FBXL7: variants seen among roughly 807,000 people sequenced by gnomAD.
FBXL7 encodes F-box and leucine rich repeat protein 7.
FBXL7 carries 12 observed loss-of-function variants against 38.3 expected under a neutral mutation model. The ratio of observed to expected loss-of-function variants is 0.31; its 90% CI spans 0.20 to 0.51. FBXL7 has a LOEUF of 0.51. Among genes scored for constraint, FBXL7 ranks in the 20% least tolerant of loss-of-function variants. FBXL7 has a pLI of 0.98. For synonymous variants in FBXL7, 297 were observed against 300.9 expected (o/e 0.99, Z 0.13); for missense variants, 567 against 676.4 (o/e 0.84, Z 1.79).
intron 2 of FBXL7, among the ~76,000 whole-genome samples, chr5:15,684,226 C>T (rs371791158): frequency 4.6e-5 from 7 of 152,282 alleles, no homozygotes; most frequent in African/African-American, 1.7e-4. Flanking sequence ...CAAGCCTACG[C>T]ACCTGCTCTC....
chr5:15,793,814 C>T, intron 2 of FBXL7, among the ~76,000 whole-genome samples: 1 of 151,762 alleles, frequency 6.6e-6, no homozygotes, highest in Middle Eastern at 3.2e-3. Flanking sequence ...TTGATATCTG[C>T]CCTGATTGTG....
chr5:15,552,483 A>G (rs566232782), intron 1 of FBXL7, among the ~76,000 whole-genome samples: 51 of 152,182 alleles, frequency 3.4e-4, no homozygotes, highest in Non-Finnish European at 6.6e-4. Context: ...AATGGGTTTT[A>G]TCCTCATATA....
chr5:15,918,677 TA>T (rs1741663552), intron 2 of FBXL7, among the ~76,000 whole-genome samples: 2 of 152,192 alleles, frequency 1.3e-5, no homozygotes, highest in African/African-American at 4.8e-5. Flanking sequence ...TGACTGATAT[TA>T]CATGAGTTCC....
At chr5:15,860,730 G>A (rs1739439068) in intron 2 of FBXL7, among the ~76,000 whole-genome samples, 1 of 152,110 alleles carries the variant, frequency 6.6e-6, no homozygotes, top group Non-Finnish European at 1.5e-5. Context: ...TAGATACTTA[G>A]GGGTGATATG....
At chr5:15,896,474 C>A (rs186403277) in intron 2 of FBXL7, among the ~76,000 whole-genome samples, 1 of 152,160 alleles carries the variant, frequency 6.6e-6, no homozygotes, top group Non-Finnish European at 1.5e-5. Flanking sequence ...AGAATCTCAC[C>A]GGGTGTGAAG....
chr5:15,914,206 A>G (rs1213927221), intron 2 of FBXL7, among the ~76,000 whole-genome samples: 1 of 151,888 alleles, frequency 6.6e-6, no homozygotes, highest in African/African-American at 2.4e-5. Flanking sequence ...CTAACATGAT[A>G]AAACCCTGTC....
chr5:15,806,580 C>CG (rs1390054834), intron 2 of FBXL7, among the ~76,000 whole-genome samples: 1 of 152,000 alleles, frequency 6.6e-6, no homozygotes, highest in Non-Finnish European at 1.5e-5. Context: ...CACTGGGGCA[C>CG]GGTGTAGAGT....
chr5:15,800,225 C>T (rs1737526289), intron 2 of FBXL7, among the ~76,000 whole-genome samples: 1 of 152,044 alleles, frequency 6.6e-6, no homozygotes, highest in Non-Finnish European at 1.5e-5. Context: ...GATATGAAAG[C>T]AGGTGTCTGG....
intron 2 of FBXL7, among the ~76,000 whole-genome samples, chr5:15,892,153 C>G (rs1740929383): frequency 2.0e-5 from 3 of 152,198 alleles, no homozygotes; most frequent in Admixed American, 2.0e-4. Flanking sequence ...GACAGGGGAA[C>G]AAACGGAGTG....
chr5:15,914,442 G>A (rs1741529500), intron 2 of FBXL7, among the ~76,000 whole-genome samples: 1 of 151,812 alleles, frequency 6.6e-6, no homozygotes, highest in Admixed American at 6.6e-5. Context: ...ATGATAGCAG[G>A]TATTGTGAAG....
intron 2 of FBXL7, among the ~76,000 whole-genome samples, chr5:15,672,710 A>G (rs1251715535): frequency 6.6e-6 from 1 of 151,912 alleles, no homozygotes; most frequent in African/African-American, 2.4e-5. Flanking sequence ...GCATGCCATC[A>G]CATCTGGCTA....
chr5:15,833,091 A>C (rs756603866), intron 2 of FBXL7, among the ~76,000 whole-genome samples: 3 of 152,084 alleles, frequency 2.0e-5, no homozygotes, highest in Non-Finnish European at 4.4e-5. Context: ...GCCATGTGGA[A>C]CTGTGAATTG....
At chr5:15,654,681 C>T (rs1184434901) in intron 2 of FBXL7, among the ~76,000 whole-genome samples, 1 of 152,140 alleles carries the variant, frequency 6.6e-6, no homozygotes, top group African/African-American at 2.4e-5. Flanking sequence ...ATTAGAAAAA[C>T]AGGCGCCTAG....
chr5:15,779,656 T>C (rs182019383), intron 2 of FBXL7, among the ~76,000 whole-genome samples: 5 of 152,252 alleles, frequency 3.3e-5, no homozygotes, highest in Admixed American at 3.3e-4. Flanking sequence ...ACCCTTCATA[T>C]CACTTTGATA....
chr5:15,561,668 G>A (rs1328945862), intron 1 of FBXL7, among the ~76,000 whole-genome samples: 1 of 151,872 alleles, frequency 6.6e-6, no homozygotes, highest in African/African-American at 2.4e-5. Context: ...GCACCAATCT[G>A]TATTCCCATC....
chr5:15,753,661 T>C (rs1158958836), intron 2 of FBXL7, among the ~76,000 whole-genome samples: 1 of 152,210 alleles, frequency 6.6e-6, no homozygotes, highest in East Asian at 1.9e-4. Flanking sequence ...TATTGAAAAA[T>C]ATTATTCAGA....
At position 15,580,685 on chromosome 5, in the gene FBXL7, G is replaced by A. The variant is rs561904158; in HGVS notation, c.38-35298G>A. 3.2e-5 allele frequency: 32 copies of A among 985,368 alleles called. No homozygotes were observed. The East Asian group carries it at 1.6e-3, about 49-fold the overall frequency. The allele number at this position is 985,368 out of a possible 1,614,324, so 61.0% of individuals were successfully genotyped here. A position where few individuals can be genotyped will look rare whatever the true frequency, so the allele number is the denominator to read the frequency against. On this transcript the variant is annotated intron_variant, in intron 1 of 3. Transcript: ENST00000504595. Reference sequence around the variant, plus strand: ...AACATGAAAATTAACCTCTGGGTCCGGGAGTGCTGAAGGTGCCAGAACAGG... The same window carrying A: ...AACATGAAAATTAACCTCTGGGTCCAGGAGTGCTGAAGGTGCCAGAACAGG...
At chr5:15,748,174 G>A (rs1736063288) in intron 2 of FBXL7, among the ~76,000 whole-genome samples, 1 of 152,128 alleles carries the variant, frequency 6.6e-6, no homozygotes, top group African/African-American at 2.4e-5. Context: ...GCATCTTGTG[G>A]GTAGAGAGTA....
At chr5:15,763,778 GAGAA>G (rs957315494) in intron 2 of FBXL7, among the ~76,000 whole-genome samples, 3 of 152,158 alleles carry the variant, frequency 2.0e-5, no homozygotes, top group African/African-American at 7.2e-5. Flanking sequence ...GTTATCCAGA[GAGAA>G]AGAACCAATA....
Sources: gnomAD v4.1 joint callset for allele counts (sites outside exome capture counted in the v4.1 genomes callset) on GRCh38, gnomAD v4.1.1 for gene constraint, MANE v1.5 for transcripts, NCBI Gene and HGNC (gene_info 2026-07-23, HGNC 2026-07-21) for gene names.